Variants in SLC25A48 observed in about 807,000 individuals in gnomAD.
SLC25A48 encodes CTC-321K16.1.
Under a neutral mutation model 32.2 loss-of-function variants are expected in SLC25A48, and 29 were observed. The ratio of observed to expected loss-of-function variants is 0.90; its 90% CI spans 0.67 to 1.23. SLC25A48 has a LOEUF of 1.23. Ranked by LOEUF, SLC25A48 falls within the 50% of genes most tolerant of loss-of-function variation. The pLI, the probability that SLC25A48 is intolerant of heterozygous loss-of-function variation, is 0.00. For missense variants in SLC25A48, 399 were observed against 422.7 expected, an observed-to-expected ratio of 0.94 and a Z score of 0.49; for synonymous variants, 164 against 172.3, an observed-to-expected ratio of 0.95 and a Z score of 0.38.
chr5:135,671,326 T>G (rs184101882), intron 3 of SLC25A48, among the ~76,000 whole-genome samples: 1 of 152,330 alleles, frequency 6.6e-6, no homozygotes, highest in African/African-American at 2.4e-5. Flanking sequence ...TGTAGCAGGC[T>G]CTCTAGAAGG....
Position 135,629,724 on chromosome 5 carries a change from A to G in SLC25A48, c.-709+348A>G, listed in dbSNP as rs2126905907. ...AACCAAGGAGCGAGGGAGCTGGGGCATTGATCCTTCAACTCCCCATCCATC... is the reference window on the plus strand; with the variant it reads ...AACCAAGGAGCGAGGGAGCTGGGGCGTTGATCCTTCAACTCCCCATCCATC... On this transcript the variant is annotated intron_variant, in intron 2 of 10. Coordinates refer to the SLC25A48 transcript ENST00000646290. The surrounding 1 kb of genome is among the most constrained non-coding windows in gnomAD (Gnocchi z 4.8). 6.6e-6 allele frequency among the ~76,000 whole-genome samples: 1 copy of G among 152,312 alleles called. No individual in the cohort carries two copies. Among genetic ancestry groups the G allele is most frequent in the South Asian group, 2.1e-4 (1 of 4,820 alleles).
At chr5:135,666,954 C>G (rs1753538354) in intron 3 of SLC25A48, among the ~76,000 whole-genome samples, 1 of 152,056 alleles carries the variant, frequency 6.6e-6, no homozygotes, top group African/African-American at 2.4e-5. Context: ...GAATATTGGT[C>G]CAATGAGGAG....
rs556047705 is a variant in SLC25A48, at chr5:135,797,040, A to C, written c.-520-15483A>C. The stretch of plus-strand genomic sequence containing the variant: ...GGAGAAAAGGACTAATATTACTCCC[A>C]ATATCGAGAGGGGTCTACATCCCTT... On this transcript the variant is annotated intron_variant, in intron 3 of 10. Coordinates refer to the SLC25A48 transcript ENST00000646290. Among the ~76,000 whole-genome samples the C allele has an allele frequency of 9.2e-5, 14 of 151,988 alleles. No homozygotes were observed. The East Asian group carries it at 2.7e-3, about 29-fold the overall frequency.
intron 3 of SLC25A48, among the ~76,000 whole-genome samples, chr5:135,684,475 G>T (rs978232111): frequency 2.0e-5 from 3 of 152,156 alleles, no homozygotes; most frequent in African/African-American, 7.2e-5. Context: ...CTGTATTGCA[G>T]TCTCGACAGA....
intron 3 of SLC25A48, among the ~76,000 whole-genome samples, chr5:135,797,284 GT>G (rs1757209953): frequency 6.6e-6 from 1 of 151,806 alleles, no homozygotes; most frequent in Admixed American, 6.6e-5. Context: ...CTGTGACATT[GT>G]TATATTGTTT....
intron 3 of SLC25A48, among the ~76,000 whole-genome samples, chr5:135,667,255 T>C (rs186307488): frequency 5.1e-4 from 77 of 152,292 alleles, no homozygotes; most frequent in Admixed American, 2.2e-3. Flanking sequence ...ATATACAAAA[T>C]GGTACCACTC....
exon 4 of SLC25A48, chr5:135,812,576 G>A (rs1163120148): frequency 1.3e-5 from 2 of 152,242 alleles, no homozygotes; most frequent in Non-Finnish European, 2.9e-5. Context: ...CACCTGTGAT[G>A]TCTTCCTAGG....
chr5:135,736,829 G>A (rs975873791), intron 3 of SLC25A48, among the ~76,000 whole-genome samples: 1 of 152,174 alleles, frequency 6.6e-6, no homozygotes, highest in African/African-American at 2.4e-5. Context: ...AAAAGGAAAG[G>A]AACTGAAATT....
chr5:135,742,583 T>C, intron 3 of SLC25A48: 1 of 1,166,332 alleles, frequency 8.6e-7, no homozygotes, highest in Non-Finnish European at 1.2e-6. Context: ...TTTGATTTCC[T>C]CTATAGCTGC....
chr5:135,699,455 G>A (rs1309547444), intron 3 of SLC25A48, among the ~76,000 whole-genome samples: 2 of 151,682 alleles, frequency 1.3e-5, no homozygotes, highest in Non-Finnish European at 2.9e-5. Flanking sequence ...TACATGACAT[G>A]ATTCCATTTA....
chr5:135,593,181 A>G (rs1751567406), intron 1 of SLC25A48, among the ~76,000 whole-genome samples: 1 of 152,140 alleles, frequency 6.6e-6, no homozygotes, highest in Non-Finnish European at 1.5e-5. Flanking sequence ...CTGATTGACC[A>G]GTCCCTCATT....
At chr5:135,882,926 TGA>T in intron 7 of SLC25A48, 1 of 381,296 alleles carries the variant, frequency 2.6e-6, no homozygotes, top group Non-Finnish European at 3.6e-6. Flanking sequence ...CCGGCAACCC[TGA>T]GAGCCTCTGC....
rs559652274 is a variant in SLC25A48, at chr5:135,709,106, G to T, written c.-521+74150G>T. 1.3e-4 allele frequency among the ~76,000 whole-genome samples: 20 copies of T among 152,248 alleles called. No individual in the cohort carries two copies. In the South Asian group the frequency reaches 3.5e-3, roughly 27 times the overall value. On this transcript the variant is annotated intron_variant, in intron 3 of 10. Coordinates refer to the SLC25A48 transcript ENST00000646290. ...ACATACTAAAATTCATTGGAAAATT[G>T]AGATCTCAACCCACAACTATTCATG...
rs757412641 is a variant in SLC25A48 at position 135,721,192 on chromosome 5, C to CTTTTTTTTTTTTTTTTTTTTT, written c.-521+86245_-521+86265dup. On this transcript the variant is annotated intron_variant, in intron 3 of 10. Coordinates refer to the SLC25A48 transcript ENST00000646290. ...GAGTAGCTGGGACACCATGCCTGGCCTTTTTTTTTTTTTTTTTTTTTTTTT... is the reference window on the plus strand; with the variant it reads ...GAGTAGCTGGGACACCATGCCTGGCCTTTTTTTTTTTTTTTTTTTTTTTTTTTTTTTTTTTTTTTTTTTTTT... Among the ~76,000 whole-genome samples the CTTTTTTTTTTTTTTTTTTTTT allele has an allele frequency of 7.2e-4, 39 of 53,882 alleles. 5 individuals are homozygous for CTTTTTTTTTTTTTTTTTTTTT. The highest frequency in any genetic ancestry group is 1.1e-3 in the Non-Finnish European group (25 of 23,718). The allele number at this position is 53,882 out of a possible 152,430, so 35.3% of individuals were successfully genotyped here. A position where few individuals can be genotyped will look rare whatever the true frequency, so the allele number is the denominator to read the frequency against.
chr5:135,694,992 T>C (rs1277885115), intron 3 of SLC25A48, among the ~76,000 whole-genome samples: 1 of 152,182 alleles, frequency 6.6e-6, no homozygotes, highest in Non-Finnish European at 1.5e-5. Flanking sequence ...ATGAGCCAGC[T>C]GCTTGGGCCC....
intron 1 of SLC25A48, among the ~76,000 whole-genome samples, chr5:135,586,367 G>A (rs1386485119): frequency 2.0e-5 from 3 of 152,132 alleles, no homozygotes; most frequent in Non-Finnish European, 4.4e-5. Flanking sequence ...AATACAAAAT[G>A]CCCATGCAAT....
intron 3 of SLC25A48, among the ~76,000 whole-genome samples, chr5:135,642,308 A>T (rs1023974366): frequency 6.6e-6 from 1 of 152,194 alleles, no homozygotes; most frequent in Non-Finnish European, 1.5e-5. Flanking sequence ...CTTGGGATGA[A>T]GGAGTGTTGC....
chr5:135,754,345 G>A (rs1391306669), intron 3 of SLC25A48, among the ~76,000 whole-genome samples: 1 of 152,004 alleles, frequency 6.6e-6, no homozygotes, highest in Admixed American at 6.6e-5. Flanking sequence ...GGTTATTATT[G>A]TGATATTACT....
intron 3 of SLC25A48, among the ~76,000 whole-genome samples, chr5:135,724,817 G>A (rs1755050421): frequency 6.6e-6 from 1 of 152,356 alleles, no homozygotes; most frequent in South Asian, 2.1e-4. Flanking sequence ...GAACAGGCTG[G>A]TGCCATCATG....
Sources: gnomAD v4.1 joint callset for allele counts (sites outside exome capture counted in the v4.1 genomes callset) on GRCh38, gnomAD v4.1.1 for gene constraint, Gnocchi (gnomAD v3.1) non-coding constraint, MANE v1.5 for transcripts, NCBI Gene and HGNC (gene_info 2026-07-23, HGNC 2026-07-21) for gene names.